The following PLCXD3 variants were observed in gnomAD, a reference collection of about 807,000 sequenced individuals.
PLCXD3 encodes the protein PI-PLC X domain-containing protein 3.
PLCXD3 carries 19 observed loss-of-function variants against 25.5 expected under a neutral mutation model. The ratio of observed to expected loss-of-function variants is 0.75; its 90% CI spans 0.52 to 1.09. The LOEUF is 1.09. Among genes scored for constraint, PLCXD3 ranks in the 50% least tolerant of loss-of-function variants. The pLI, the probability that PLCXD3 is intolerant of heterozygous loss-of-function variation, is 0.00. For synonymous variants in PLCXD3, 174 were observed against 137.6 expected (o/e 1.26, Z -1.85); for missense variants, 411 against 388.1 (o/e 1.06, Z -0.50).
intron 2 of PLCXD3, among the ~76,000 whole-genome samples, chr5:41,341,082 A>G (rs1309829484): frequency 1.3e-5 from 2 of 152,190 alleles, no homozygotes; most frequent in Non-Finnish European, 2.9e-5. Flanking sequence ...ACAAAAGTTT[A>G]TAATGTTGAT....
chr5:41,332,150 A>G (rs1002157538), intron 2 of PLCXD3, among the ~76,000 whole-genome samples: 1 of 152,112 alleles, frequency 6.6e-6, no homozygotes, highest in Non-Finnish European at 1.5e-5. Context: ...ATCAGAGTGA[A>G]CAGGCAACCT....
At chr5:41,394,249 C>G (rs764663179) in intron 1 of PLCXD3, among the ~76,000 whole-genome samples, 5 of 151,920 alleles carry the variant, frequency 3.3e-5, no homozygotes, top group Non-Finnish European at 5.9e-5. Context: ...TATAAGATAG[C>G]ATTGGTAAGC....
At chr5:41,366,252 G>C (rs1744935285) in intron 2 of PLCXD3, among the ~76,000 whole-genome samples, 1 of 152,104 alleles carries the variant, frequency 6.6e-6, no homozygotes. Context: ...ACAGAGATAA[G>C]CCACACAATG....
chr5:41,407,097 C>T (rs1034096852), intron 1 of PLCXD3, among the ~76,000 whole-genome samples: 1 of 152,060 alleles, frequency 6.6e-6, no homozygotes, highest in Non-Finnish European at 1.5e-5. Flanking sequence ...TTCCCTGTTG[C>T]CTTATATCAA....
intron 1 of PLCXD3, among the ~76,000 whole-genome samples, chr5:41,487,774 C>G (rs1422703429): frequency 6.6e-6 from 1 of 151,364 alleles, no homozygotes; most frequent in Non-Finnish European, 1.5e-5. Context: ...AGACAAGAAG[C>G]CTGGAGGGTA....
intron 1 of PLCXD3, among the ~76,000 whole-genome samples, chr5:41,422,499 A>C (rs1746851606): frequency 6.6e-6 from 1 of 151,946 alleles, no homozygotes. Context: ...TTGGAGTTTC[A>C]TTCTTTCATT....
intron 1 of PLCXD3, among the ~76,000 whole-genome samples, chr5:41,474,340 G>A (rs1748233963): frequency 6.6e-6 from 1 of 152,180 alleles, no homozygotes. Context: ...ACTGCCCTCT[G>A]CATTCCTACT....
chr5:41,371,483 T>C (rs1188465268), intron 2 of PLCXD3, among the ~76,000 whole-genome samples: 1 of 152,174 alleles, frequency 6.6e-6, no homozygotes, highest in East Asian at 1.9e-4. Context: ...TTAGGCTTGT[T>C]GAAATATCCA....
At chr5:41,396,334 T>C (rs1746006072) in intron 1 of PLCXD3, among the ~76,000 whole-genome samples, 2 of 152,140 alleles carry the variant, frequency 1.3e-5, no homozygotes, top group Non-Finnish European at 2.9e-5. Context: ...TCTCTCTCTC[T>C]CTTTCTCCTG....
intron 2 of PLCXD3, among the ~76,000 whole-genome samples, chr5:41,328,994 T>C (rs1308022268): frequency 6.6e-6 from 1 of 152,180 alleles, no homozygotes; most frequent in African/African-American, 2.4e-5. Context: ...CCCTGAACAA[T>C]GGCCACTAGA....
chr5:41,509,655 GCA>G (rs1738987342), intron 1 of PLCXD3, among the ~76,000 whole-genome samples: 1 of 152,182 alleles, frequency 6.6e-6, no homozygotes, highest in Non-Finnish European at 1.5e-5. Context: ...CTCAGGTCAC[GCA>G]GGTTCCCCTG....
At chr5:41,492,906 A>G (rs1748736814) in intron 1 of PLCXD3, among the ~76,000 whole-genome samples, 2 of 152,130 alleles carry the variant, frequency 1.3e-5, no homozygotes, top group Non-Finnish European at 1.5e-5. Flanking sequence ...TAGTTTGATC[A>G]TCTGAAGCCT....
intron 2 of PLCXD3, among the ~76,000 whole-genome samples, chr5:41,345,261 A>G (rs912608835): frequency 2.0e-5 from 3 of 152,226 alleles, no homozygotes; most frequent in Admixed American, 6.5e-5. Flanking sequence ...TTGAGAGCAA[A>G]AATGGAATTC....
At chr5:41,456,585 C>T (rs928157889) in intron 1 of PLCXD3, 3 of 890,130 alleles carry the variant, frequency 3.4e-6, no homozygotes, top group African/African-American at 1.8e-5. Context: ...TTTGTGTCCC[C>T]CCTGACACTC....
At chr5:41,452,049 G>A (rs1170896651) in intron 1 of PLCXD3, among the ~76,000 whole-genome samples, 1 of 151,942 alleles carries the variant, frequency 6.6e-6, no homozygotes, top group African/African-American at 2.4e-5. Flanking sequence ...ATAAAATCAA[G>A]GACCCCAAGG....
intron 1 of PLCXD3, among the ~76,000 whole-genome samples, chr5:41,445,532 G>A (rs2150512716): frequency 6.6e-6 from 1 of 152,258 alleles, no homozygotes; most frequent in East Asian, 1.9e-4. Flanking sequence ...CTCCTCACTA[G>A]GAAGAGAGGC....
chr5:41,317,431 C>T (rs1743333804), intron 2 of PLCXD3, among the ~76,000 whole-genome samples: 1 of 151,994 alleles, frequency 6.6e-6, no homozygotes, highest in African/African-American at 2.4e-5. Context: ...AGAATAAATG[C>T]CTAACTCTTC....
In PLCXD3 at chr5:41,446,176, C is replaced by CAAAAAAAA. The variant is rs70988847; in HGVS notation, c.104-63650_104-63643dup. 1.0e-3 allele frequency among the ~76,000 whole-genome samples: 39 copies of CAAAAAAAA among 38,120 alleles called. 6 individuals carry two copies. The highest frequency in any genetic ancestry group is 4.2e-3 in the South Asian group (2 of 480). 25.0% of individuals were successfully genotyped at this position (38,120 alleles called of 152,430 possible). ...TGGGCGACGGAGCCAGACTCCTTCT[C>CAAAAAAAA]AAAAAAAAAAAAAAAAAAAAAAAAA... On this transcript the variant is annotated intron_variant, in intron 1 of 2. Coordinates refer to ENST00000377801, the MANE Select transcript of PLCXD3 (RefSeq NM_001005473.3).
intron 1 of PLCXD3, among the ~76,000 whole-genome samples, chr5:41,494,906 AT>A (rs1194838056): frequency 1.3e-5 from 2 of 152,238 alleles, no homozygotes; most frequent in African/African-American, 4.8e-5. Context: ...TTACGGAAGC[AT>A]GTAGTGAAGG....
Sources: allele counts gnomAD v4.1 joint callset (sites outside exome capture counted in the v4.1 genomes callset), GRCh38; gene constraint gnomAD v4.1.1; transcripts MANE v1.5; gene names NCBI Gene and HGNC (gene_info 2026-07-23, HGNC 2026-07-21).